CPD: variants seen among roughly 807,000 people sequenced by gnomAD.
The protein encoded by CPD is carboxypeptidase D.
In CPD, 69 loss-of-function variants were observed where a neutral mutation model predicts 138.3. The ratio of observed to expected loss-of-function variants is 0.50; its 90% CI spans 0.41 to 0.61. The LOEUF (loss-of-function observed/expected upper bound fraction) is 0.61. Among genes scored for constraint, CPD ranks in the 20% least tolerant of loss-of-function variants. The probability of loss-of-function intolerance (pLI) is 0.00; values close to 1 mark genes in which losing one functional copy is unlikely to be tolerated. For synonymous variants in CPD, 651 were observed against 642.1 expected, an observed-to-expected ratio of 1.01 and a Z score of -0.21; for missense variants, 1,432 against 1,733.3, an observed-to-expected ratio of 0.83 and a Z score of 3.09.
At chr17:30,451,524 GT>G (rs1913165572) in intron 13 of CPD, among the ~76,000 whole-genome samples, 186 bp from the exon 14 acceptor site, 1 of 152,094 alleles carries the variant, frequency 6.6e-6, no homozygotes, top group Non-Finnish European at 1.5e-5. Context: ...CTGTACAGTA[GT>G]TTTTTGCTTA....
chr17:30,400,957 G>A (rs960633864), intron 2 of CPD, among the ~76,000 whole-genome samples: 19 of 151,746 alleles, frequency 1.3e-4, no homozygotes, highest in African/African-American at 4.4e-4. Context: ...GATTACAGGC[G>A]TGAGCCACTG....
At chr17:30,414,092 G>T (rs938626962) in intron 2 of CPD, among the ~76,000 whole-genome samples, 9 of 152,188 alleles carry the variant, frequency 5.9e-5, no homozygotes, top group African/African-American at 2.2e-4. Context: ...GGGTGATGGG[G>T]ATCAAATCAT....
chr17:30,469,065 G>T lies in CPD; in HGVS notation c.*4251G>T, dbSNP rs1030551276. On this transcript the variant is annotated 3_prime_UTR_variant, in exon 21 of 21. Coordinates refer to ENST00000225719, the MANE Select transcript of CPD (RefSeq NM_001304.5). ...AGGCCCAGTTAGAATAATGTGTCCC[G>T]GCACTTTTAGGCACAGCAAGGATGA... The T allele has an allele frequency of 6.6e-6, 1 of 151,992 alleles. No individual in the cohort carries two copies. The highest frequency in any genetic ancestry group is 2.4e-5 in the African/African-American group (1 of 41,406). The allele number at this position is 151,992 out of a possible 1,614,324, so 9.4% of individuals were successfully genotyped here.
chr17:30,459,725 G>A lies in CPD; in HGVS notation c.3499-1455G>A, dbSNP rs1028990683. ...TTTTGTTAGATGTTGTGTTAAAACCGTATATCACTTTGTGTAGTATTGACA... is the reference window on the plus strand; with the variant it reads ...TTTTGTTAGATGTTGTGTTAAAACCATATATCACTTTGTGTAGTATTGACA... On this transcript the variant is annotated intron_variant, in intron 17 of 20. Transcript: ENST00000225719. Among the ~76,000 whole-genome samples, 4 of 152,076 alleles carry A rather than the reference G, an allele frequency of 2.6e-5. No individual in the cohort carries two copies. The East Asian group carries it at 5.8e-4, about 22-fold the overall frequency.
intron 6 of CPD, among the ~76,000 whole-genome samples, chr17:30,425,655 C>CAA (rs11337028): frequency 5.3e-5 from 6 of 113,604 alleles, no homozygotes; most frequent in Admixed American, 8.8e-5. Flanking sequence ...GACTCTGTCT[C>CAA]AAAAAAAAAA....
Position 30,414,581 on chromosome 17 carries a change from G to C in CPD, c.995-6260G>C, listed in dbSNP as rs537162633. Among the ~76,000 whole-genome samples, 179 of 148,304 alleles carry C rather than the reference G, an allele frequency of 1.2e-3. 1 individual carries two copies. The highest frequency in any genetic ancestry group is 2.4e-3 in the Non-Finnish European group (159 of 67,278). ...CTGGGTAACAGAGCGAGACTGTCTC[G>C]GAAAAAAAAAAAAAAGAGTGATTGC... On this transcript the variant is annotated intron_variant, in intron 2 of 20. Coordinates refer to ENST00000225719, the MANE Select transcript of CPD (RefSeq NM_001304.5).
In CPD at chr17:30,381,971, A is replaced by G. The variant is rs116764662; in HGVS notation, c.746+2245A>G. On this transcript the variant is annotated intron_variant, in intron 1 of 20. Coordinates refer to ENST00000225719, the MANE Select transcript of CPD (RefSeq NM_001304.5). ...GAGACAAATACTTAAGAAAATATATAAAAAAATTAACTTTATCATTCAAAT... is the reference window on the plus strand; with the variant it reads ...GAGACAAATACTTAAGAAAATATATGAAAAAATTAACTTTATCATTCAAAT... Among the ~76,000 whole-genome samples the G allele has an allele frequency of 7.8e-3, 1,192 of 152,300 alleles. 14 individuals carry two copies. The highest frequency in any genetic ancestry group is 0.027 in the African/African-American group (1,102 of 41,582).
intron 13 of CPD, 25 bp from the exon 14 acceptor site, chr17:30,451,686 T>C: frequency 1.2e-6 from 2 of 1,608,896 alleles, no homozygotes; most frequent in Non-Finnish European, 8.5e-7. Flanking sequence ...AGCTAGTAAC[T>C]CGTTAATTTC....
intron 6 of CPD, 84 bp downstream of exon 6, chr17:30,423,781 T>C: frequency 9.1e-7 from 1 of 1,103,310 alleles, no homozygotes; most frequent in Non-Finnish European, 1.2e-6. Flanking sequence ...GAACTGGTTC[T>C]TTTGGAATTT....
At chr17:30,456,885 A>G in intron 17 of CPD, 1 of 202,472 alleles carries the variant, frequency 4.9e-6, no homozygotes, top group Middle Eastern at 2.2e-3. Context: ...GAGTTTATGA[A>G]TATCAGCCAT....
At chr17:30,389,132 G>A (rs778619725) in intron 2 of CPD, among the ~76,000 whole-genome samples, 2 of 152,186 alleles carry the variant, frequency 1.3e-5, no homozygotes, top group Admixed American at 6.5e-5. Flanking sequence ...CATTACGGCA[G>A]CCCCCAGGGC....
chr17:30,421,771 A>C lies in CPD; in HGVS notation c.1245A>C (p.Arg415Ser), dbSNP rs1234837341. The C allele has an allele frequency of 3.7e-6, 6 of 1,613,788 alleles. No individual in the cohort carries two copies. Among genetic ancestry groups the C allele is most frequent in the Non-Finnish European group, 4.2e-6 (5 of 1,179,740 alleles). ...AGINHNITTG[R>S]FGDFYRLLVP... ...TTAATCATAATATCACAACAGGCAGATTTGGTGATTTCTACCGATTACTTG... is the reference window on the plus strand; with the variant it reads ...TTAATCATAATATCACAACAGGCAGCTTTGGTGATTTCTACCGATTACTTG... Residue 415 changes from arginine to serine, a missense_variant, in exon 4 of 21, where the codon AGA becomes AGC. Around this residue, in one of 6 missense-constraint regions of CPD, gnomAD observed 160 missense variants for 197.9 expected, o/e 0.81. Coordinates refer to ENST00000225719, the MANE Select transcript of CPD (RefSeq NM_001304.5).
chr17:30,404,113 G>T (rs1291620335), intron 2 of CPD, among the ~76,000 whole-genome samples: 1 of 152,066 alleles, frequency 6.6e-6, no homozygotes, highest in Non-Finnish European at 1.5e-5. Flanking sequence ...GAACCTTCTG[G>T]GATATAGAAA....
chr17:30,457,511 G>A (rs1284886528), intron 17 of CPD, among the ~76,000 whole-genome samples: 1 of 152,068 alleles, frequency 6.6e-6, no homozygotes. Flanking sequence ...ACCTAGGAGT[G>A]GAATTGCCTG....
intron 1 of CPD, chr17:30,380,406 A>C: frequency 9.4e-7 from 1 of 1,062,568 alleles, no homozygotes. Context: ...TTAAGAAGAT[A>C]TGGACTTAGC....
chr17:30,413,388 C>T (rs1011553158), intron 2 of CPD, among the ~76,000 whole-genome samples: 1 of 152,126 alleles, frequency 6.6e-6, no homozygotes, highest in Non-Finnish European at 1.5e-5. Context: ...TAAGAGAAAG[C>T]TAAAAGATTG....
At chr17:30,395,847 C>T (rs1911492331) in intron 2 of CPD, among the ~76,000 whole-genome samples, 1 of 151,958 alleles carries the variant, frequency 6.6e-6, no homozygotes. Flanking sequence ...AGAATCATAT[C>T]ATTAGCAAAT....
intron 3 of CPD, 116 bp downstream of exon 3, chr17:30,421,099 T>C: frequency 4.4e-6 from 3 of 688,686 alleles, no homozygotes; most frequent in Non-Finnish European, 6.6e-6. Context: ...CTCTTTTTAT[T>C]ACTTAAGATT....
chr17:30,420,655 G>A (rs1483451503), intron 2 of CPD, among the ~76,000 whole-genome samples, 186 bp from the exon 3 acceptor site: 3 of 152,068 alleles, frequency 2.0e-5, no homozygotes, highest in African/African-American at 7.2e-5. Flanking sequence ...CTTTTTCAAT[G>A]TATATTCCTT....
Sources: allele counts gnomAD v4.1 joint callset (sites outside exome capture counted in the v4.1 genomes callset), GRCh38; gene constraint gnomAD v4.1.1; regional missense constraint gnomAD v4.1.1; transcripts MANE v1.5; gene names NCBI Gene and HGNC (gene_info 2026-07-23, HGNC 2026-07-21).